KPNA4: variants seen among roughly 807,000 people sequenced by gnomAD.
The protein encoded by KPNA4 is karyopherin subunit alpha 4, also known as importin subunit alpha-3.
In KPNA4, 13 loss-of-function variants were observed where a neutral mutation model predicts 71.3. The ratio of observed to expected loss-of-function variants is 0.18; its 90% CI spans 0.12 to 0.29. The LOEUF is 0.29. Ranked by LOEUF, KPNA4 falls within the 10% of genes least tolerant of loss-of-function variation. KPNA4 has a pLI of 1.00. For missense variants in KPNA4, 334 were observed against 603.2 expected, an observed-to-expected ratio of 0.55 and a Z score of 4.67; for synonymous variants, 189 against 195.2, an observed-to-expected ratio of 0.97 and a Z score of 0.26.
At chr3:160,523,828 G>A (rs1721407978) in intron 10 of KPNA4, among the ~76,000 whole-genome samples, 1 of 151,760 alleles carries the variant, frequency 6.6e-6, no homozygotes, top group Non-Finnish European at 1.5e-5. Context: ...TCCAGCCTGG[G>A]AAACAGTGCG....
At chr3:160,536,337 AC>A (rs1228281014) in intron 2 of KPNA4, among the ~76,000 whole-genome samples, 1 of 152,152 alleles carries the variant, frequency 6.6e-6, no homozygotes, top group Non-Finnish European at 1.5e-5. Flanking sequence ...ACAATGTCTT[AC>A]AAAAATCAAG....
chr3:160,528,353 A>G lies in KPNA4; in HGVS notation c.470-314T>C, dbSNP rs189963613. Among the ~76,000 whole-genome samples the G allele has an allele frequency of 5.3e-3, 799 of 152,086 alleles. 4 individuals are homozygous for G. Among genetic ancestry groups the G allele is most frequent in the Admixed American group, 0.012 (182 of 15,264 alleles). ...TCTGTAGTTTGAAAAAAAAAAGTACATTATTGAAGTAACTTTTTTTTTGTT... is the reference window on the plus strand; with the variant it reads ...TCTGTAGTTTGAAAAAAAAAAGTACGTTATTGAAGTAACTTTTTTTTTGTT... On this transcript the variant is annotated intron_variant, in intron 7 of 16. Coordinates refer to ENST00000334256, the MANE Select transcript of KPNA4 (RefSeq NM_002268.5).
At chr3:160,521,081 A>G (rs140839835) in intron 11 of KPNA4, among the ~76,000 whole-genome samples, 2 of 152,350 alleles carry the variant, frequency 1.3e-5, no homozygotes, top group African/African-American at 2.4e-5. Context: ...CCTAAACAGC[A>G]CATTTCAGTA....
chr3:160,515,241 A>C (rs1248366214), intron 12 of KPNA4: 5 of 620,770 alleles, frequency 8.1e-6, no homozygotes, highest in African/African-American at 1.8e-5. Flanking sequence ...TTTCCAAGAG[A>C]GCCAAAATTG....
chr3:160,506,092 C>T (rs189932441), intron 15 of KPNA4, among the ~76,000 whole-genome samples: 5 of 152,300 alleles, frequency 3.3e-5, no homozygotes, highest in African/African-American at 1.2e-4. Flanking sequence ...ATCCACTGGA[C>T]TTTAAATCTC....
At chr3:160,517,224 G>A (rs1721247976) in intron 11 of KPNA4, among the ~76,000 whole-genome samples, 1 of 151,900 alleles carries the variant, frequency 6.6e-6, no homozygotes. Flanking sequence ...AATGTATTTG[G>A]CCTTTTTTGT....
At chr3:160,519,648 A>T (rs1721303353) in intron 11 of KPNA4, among the ~76,000 whole-genome samples, 1 of 147,784 alleles carries the variant, frequency 6.8e-6, no homozygotes, top group African/African-American at 2.5e-5. Context: ...ACAAAAAATT[A>T]GCCGGGCGCG....
At chr3:160,508,647 T>G (rs573439339) in intron 14 of KPNA4, among the ~76,000 whole-genome samples, 6 of 152,032 alleles carry the variant, frequency 3.9e-5, no homozygotes, top group Non-Finnish European at 5.9e-5. Flanking sequence ...TAATTAAATA[T>G]AGAGAGATGG....
At chr3:160,524,728 C>G (rs1721427728) in intron 10 of KPNA4, among the ~76,000 whole-genome samples, 1 of 152,110 alleles carries the variant, frequency 6.6e-6, no homozygotes, top group Non-Finnish European at 1.5e-5. Flanking sequence ...CCAAAAATTA[C>G]TTACACATTT....
intron 1 of KPNA4, among the ~76,000 whole-genome samples, chr3:160,557,663 A>T (rs1276121285): frequency 6.6e-6 from 1 of 152,222 alleles, no homozygotes; most frequent in East Asian, 1.9e-4. Flanking sequence ...ATAGAAAATA[A>T]GTCAGCATTT....
At chr3:160,543,165 C>G (rs1721838826) in intron 1 of KPNA4, among the ~76,000 whole-genome samples, 1 of 152,138 alleles carries the variant, frequency 6.6e-6, no homozygotes, top group African/African-American at 2.4e-5. Context: ...ATGCATACAT[C>G]TCCTCCCAGG....
At chr3:160,564,902 T>C (rs1233592863) in intron 1 of KPNA4, among the ~76,000 whole-genome samples, 1 of 146,938 alleles carries the variant, frequency 6.8e-6, no homozygotes, top group Non-Finnish European at 1.5e-5. Flanking sequence ...CACGCACGCC[T>C]CCTCCGCACG....
chr3:160,553,325 C>T (rs1009326831), intron 1 of KPNA4, among the ~76,000 whole-genome samples: 4 of 152,160 alleles, frequency 2.6e-5, no homozygotes, highest in African/African-American at 9.7e-5. Context: ...CGGGAAAAGC[C>T]AATCCGTAAG....
At chr3:160,551,584 A>AAGTAG (rs1722040774) in intron 1 of KPNA4, among the ~76,000 whole-genome samples, 2 of 152,212 alleles carry the variant, frequency 1.3e-5, no homozygotes, top group Admixed American at 1.3e-4. Context: ...CACTTGCCTG[A>AAGTAG]AGTAGAGAGT....
chr3:160,502,251 T>C (rs753327125), intron 16 of KPNA4, 49 bp from the exon 17 acceptor site: 3 of 1,014,188 alleles, frequency 3.0e-6, no homozygotes, highest in South Asian at 1.7e-5. Flanking sequence ...TTAAAATATA[T>C]ATAAACAGTA....
intron 1 of KPNA4, among the ~76,000 whole-genome samples, chr3:160,554,600 A>T (rs4679654): frequency 0.39 from 59,402 of 152,070 alleles, 12,930 homozygotes; most frequent in Non-Finnish European, 0.5. Flanking sequence ...ATGAGGGCTG[A>T]TCACTGGAAA....
chr3:160,526,201 A>C (rs368218929), intron 8 of KPNA4, 94 bp from the exon 9 acceptor site: 1 of 905,464 alleles, frequency 1.1e-6, no homozygotes, highest in African/African-American at 1.7e-5. Context: ...TGCTTCATGT[A>C]TTTTATCCAG....
intron 8 of KPNA4, among the ~76,000 whole-genome samples, chr3:160,526,585 C>T (rs79082279): frequency 0.012 from 1,852 of 152,316 alleles, 20 homozygotes; most frequent in Middle Eastern, 0.02. Context: ...CTCAGGCCTC[C>T]TGAAGCAGAA....
Position 160,528,918 on chromosome 3 carries a change from A to G in KPNA4, c.470-879T>C, listed in dbSNP as rs190230151. 3.3e-5 allele frequency among the ~76,000 whole-genome samples: 5 copies of G among 152,336 alleles called. No individual in the cohort carries two copies. The East Asian group carries it at 9.6e-4, about 29-fold the overall frequency. ...CTCAATCATGCTTGTAATATCATAA[A>G]AGGTAATTCACTTATGGGTTTGTTT... On this transcript the variant is annotated intron_variant, in intron 7 of 16. Coordinates refer to ENST00000334256, the MANE Select transcript of KPNA4 (RefSeq NM_002268.5).
Sources: allele counts gnomAD v4.1 joint callset (sites outside exome capture counted in the v4.1 genomes callset), GRCh38; gene constraint gnomAD v4.1.1; transcripts MANE v1.5; gene names NCBI Gene and HGNC (gene_info 2026-07-23, HGNC 2026-07-21).